LMTK2: variants seen among roughly 807,000 people sequenced by gnomAD.
LMTK2 encodes serine/threonine-protein kinase LMTK2.
LMTK2 carries 37 observed loss-of-function variants against 127.5 expected under a neutral mutation model. That is an observed-to-expected ratio of 0.29 (90% confidence interval 0.22 to 0.38). The LOEUF (loss-of-function observed/expected upper bound fraction) is 0.38, where lower values mean the gene tolerates loss of function less well. Ranked by LOEUF, LMTK2 falls within the 10% of genes least tolerant of loss-of-function variation. The pLI, the probability that LMTK2 is intolerant of heterozygous loss-of-function variation, is 1.00. For synonymous variants in LMTK2, 819 were observed against 810.1 expected, an observed-to-expected ratio of 1.01 and a Z score of -0.19; for missense variants, 1,694 against 1,920.3, an observed-to-expected ratio of 0.88 and a Z score of 2.20.
chr7:98,191,737 G>A lies in LMTK2; in HGVS notation c.1272G>A (p.Gln424=), dbSNP rs1167574901. 3.7e-6 allele frequency: 6 copies of A among 1,614,072 alleles called. No homozygotes were observed. The highest frequency in any genetic ancestry group is 1.1e-5 in the South Asian group (1 of 91,090). ...SQRDSEVDFE[Q]QWNALKPNTN... The stretch of plus-strand genomic sequence containing the variant: ...GGGACTCAGAGGTCGACTTTGAACA[G>A]CAGTGGAACGCTCTGAAGCCGAACA... Residue 424 remains glutamine, a synonymous_variant, in exon 11 of 14, where the codon CAG becomes CAA. Coordinates refer to ENST00000297293, the MANE Select transcript of LMTK2 (RefSeq NM_014916.4).
At chr7:98,152,686 G>A (rs1344825089) in intron 4 of LMTK2, among the ~76,000 whole-genome samples, 1 of 152,192 alleles carries the variant, frequency 6.6e-6, no homozygotes, top group East Asian at 1.9e-4. Context: ...CTGGGATATT[G>A]TGTGCCTAGA....
chr7:98,152,699 C>G lies in LMTK2; in HGVS notation c.450+1244C>G, dbSNP rs75358414. ...ATCTGGGATATTGTGTGCCTAGAGA[C>G]TGCCTTGCTCGGAATGAAACGGGGA... On this transcript the variant is annotated intron_variant, in intron 4 of 13. Coordinates refer to ENST00000297293, the MANE Select transcript of LMTK2 (RefSeq NM_014916.4). 3.7e-3 allele frequency among the ~76,000 whole-genome samples: 567 copies of G among 152,248 alleles called. 4 individuals carry two copies. The highest frequency in any genetic ancestry group is 0.013 in the African/African-American group (534 of 41,526).
rs576064895 is a variant in LMTK2 at position 98,119,473 on chromosome 7, G to A, written c.103+12193G>A. Reference sequence around the variant, plus strand: ...CACCACAAAGGAATTCAAGCACTCCGGGGCAGAACACAGCTAAAGCTTGAA... The same window carrying A: ...CACCACAAAGGAATTCAAGCACTCCAGGGCAGAACACAGCTAAAGCTTGAA... On this transcript the variant is annotated intron_variant, in intron 1 of 13. Coordinates refer to ENST00000297293, the MANE Select transcript of LMTK2 (RefSeq NM_014916.4). 5.3e-5 allele frequency among the ~76,000 whole-genome samples: 8 copies of A among 152,252 alleles called. No homozygotes were observed. In the South Asian group the frequency reaches 1.7e-3, roughly 32 times the overall value.
At chr7:98,135,813 C>T (rs186269374) in intron 1 of LMTK2, among the ~76,000 whole-genome samples, 3 of 151,026 alleles carry the variant, frequency 2.0e-5, no homozygotes, top group South Asian at 2.1e-4. Context: ...AAAGGCCAGG[C>T]GGTAAAATAT....
chr7:98,177,743 A>T (rs1797297748), intron 7 of LMTK2, among the ~76,000 whole-genome samples: 2 of 152,202 alleles, frequency 1.3e-5, no homozygotes, highest in Non-Finnish European at 2.9e-5. Context: ...TGTGTACCCA[A>T]ATCCTAGCAG....
At chr7:98,110,761 A>G (rs937672145) in intron 1 of LMTK2, among the ~76,000 whole-genome samples, 1 of 152,244 alleles carries the variant, frequency 6.6e-6, no homozygotes, top group African/African-American at 2.4e-5. Context: ...ATTGTTCTGC[A>G]GCATATTAGG....
chr7:98,110,870 G>A (rs1363934541), intron 1 of LMTK2, among the ~76,000 whole-genome samples: 1 of 152,208 alleles, frequency 6.6e-6, no homozygotes, highest in African/African-American at 2.4e-5. Flanking sequence ...ACAGCAGCTT[G>A]TGAAACCGAG....
chr7:98,121,340 G>A (rs1796358187), intron 1 of LMTK2, among the ~76,000 whole-genome samples: 1 of 152,106 alleles, frequency 6.6e-6, no homozygotes, highest in Non-Finnish European at 1.5e-5. Context: ...TGAAAATTAG[G>A]AAACCAAGCC....
At chr7:98,121,973 C>A (rs1562896593) in intron 1 of LMTK2, among the ~76,000 whole-genome samples, 1 of 151,616 alleles carries the variant, frequency 6.6e-6, no homozygotes, top group Non-Finnish European at 1.5e-5. Flanking sequence ...CCAGCCTGGG[C>A]GACAGAGCCG....
chr7:98,140,475 A>T (rs1270799796), intron 2 of LMTK2, among the ~76,000 whole-genome samples: 1 of 152,038 alleles, frequency 6.6e-6, no homozygotes, highest in Non-Finnish European at 1.5e-5. Flanking sequence ...TAAAGTTGTC[A>T]TCTTTAGAAA....
Position 98,127,380 on chromosome 7 carries a change from G to A in LMTK2, c.104-9935G>A, listed in dbSNP as rs536072034. Among the ~76,000 whole-genome samples, 4 of 152,338 alleles carry A rather than the reference G, an allele frequency of 2.6e-5. No individual in the cohort carries two copies. In the East Asian group the frequency reaches 5.8e-4, roughly 22 times the overall value. On this transcript the variant is annotated intron_variant, in intron 1 of 13. Coordinates refer to ENST00000297293, the MANE Select transcript of LMTK2 (RefSeq NM_014916.4). ...ATGGGCTTTATGTTGGGCCCATTTG[G>A]AAGGTTGCTGGCCCTTAGCTTCCCT...
At chr7:98,202,316 C>T (rs772483720) in intron 11 of LMTK2, among the ~76,000 whole-genome samples, 2 of 152,112 alleles carry the variant, frequency 1.3e-5, no homozygotes, top group Non-Finnish European at 2.9e-5. Context: ...CTAAGATTTT[C>T]CCTATTTCTG....
intron 1 of LMTK2, 77 bp from the exon 2 acceptor site, chr7:98,137,238 G>A (rs1796608496): frequency 7.1e-7 from 1 of 1,404,738 alleles, no homozygotes; most frequent in East Asian, 2.3e-5. Flanking sequence ...TGTATGTAGA[G>A]GAAAATATAT....
chr7:98,118,603 C>T (rs925281929), intron 1 of LMTK2, among the ~76,000 whole-genome samples: 1 of 152,036 alleles, frequency 6.6e-6, no homozygotes, highest in Non-Finnish European at 1.5e-5. Flanking sequence ...CCTCGTGTTC[C>T]CGTCACCCAG....
chr7:98,203,134 T>G (rs144353914), intron 11 of LMTK2, among the ~76,000 whole-genome samples: 1 of 152,302 alleles, frequency 6.6e-6, no homozygotes, highest in Non-Finnish European at 1.5e-5. Flanking sequence ...CCCCCTTCTC[T>G]TTCTGAGCAT....
chr7:98,190,946 A>T (rs560350922), intron 10 of LMTK2, 69 bp downstream of exon 10: 661 of 1,442,556 alleles, frequency 4.6e-4, no homozygotes, highest in Non-Finnish European at 5.8e-4. Context: ...ACACAAAAAA[A>T]TTCGTGGGCC....
At chr7:98,151,506 A>G (rs1796854651) in intron 4 of LMTK2, 51 bp downstream of exon 4, 3 of 1,375,878 alleles carry the variant, frequency 2.2e-6, no homozygotes, top group Non-Finnish European at 3.1e-6. Context: ...TACTGTGTTC[A>G]GTGCAGGGCT....
At chr7:98,184,689 G>A (rs1206955780) in intron 7 of LMTK2, among the ~76,000 whole-genome samples, 1 of 151,894 alleles carries the variant, frequency 6.6e-6, no homozygotes, top group Non-Finnish European at 1.5e-5. Flanking sequence ...TGTGTCACAG[G>A]CACGTCCTTA....
intron 3 of LMTK2, among the ~76,000 whole-genome samples, chr7:98,144,900 T>G (rs956647651): frequency 1.3e-5 from 2 of 152,216 alleles, no homozygotes; most frequent in Admixed American, 6.5e-5. Flanking sequence ...TTGTATAGTT[T>G]AGCACAGTTT....
Sources: gnomAD v4.1 joint callset for allele counts (sites outside exome capture counted in the v4.1 genomes callset) on GRCh38, gnomAD v4.1.1 for gene constraint, MANE v1.5 for transcripts, NCBI Gene and HGNC (gene_info 2026-07-23, HGNC 2026-07-21) for gene names.